Variants in HNRNPH3 observed in about 807,000 individuals in gnomAD.
HNRNPH3 encodes heterogeneous nuclear ribonucleoprotein H3.
A neutral mutation model predicts 47.0 loss-of-function variants in HNRNPH3; 7 were observed. That is an observed-to-expected ratio of 0.15 (90% CI 0.08 to 0.28). The LOEUF (loss-of-function observed/expected upper bound fraction) is 0.28. Among genes scored for constraint, HNRNPH3 ranks in the 10% least tolerant of loss-of-function variants. The probability of loss-of-function intolerance (pLI) is 1.00; values close to 1 mark genes in which losing one functional copy is unlikely to be tolerated. For missense variants in HNRNPH3, 279 were observed against 449.6 expected, an observed-to-expected ratio of 0.62 and a Z score of 3.43; for synonymous variants, 120 against 143.2, an observed-to-expected ratio of 0.84 and a Z score of 1.16.
Position 68,341,803 on chromosome 10 carries a change from A to G in HNRNPH3, c.916A>G (p.Asn306Asp). The change falls in exon 9 of 10, where the codon AAC becomes GAC. Residue 306 changes from asparagine (N) to aspartate (D), a missense_variant. This residue lies in a region of HNRNPH3 where 239 missense variants were observed against 335.8 expected (regional missense o/e 0.71). Transcript: ENST00000265866. ...ATCAGTTGGAAGAATGGGAATGGGG[A>G]ACAATTACAGTGGAGGATATGGTAC... is the stretch of plus-strand genomic sequence containing the variant. ...YGSVGRMGMG[N>D]NYSGGYGTPD... 1 of 1,610,604 alleles carries G rather than the reference A, an allele frequency of 6.2e-7. No homozygotes were observed. The highest frequency in any genetic ancestry group is 1.1e-5 in the South Asian group (1 of 90,532).
At chr10:68,334,380 C>A (rs1589697675) in intron 1 of HNRNPH3, among the ~76,000 whole-genome samples, 1 of 152,102 alleles carries the variant, frequency 6.6e-6, no homozygotes, top group East Asian at 1.9e-4. Context: ...TTCTCTATTT[C>A]ATTTGTTCTT....
chr10:68,334,433 A>G (rs561336554), intron 1 of HNRNPH3, among the ~76,000 whole-genome samples: 31 of 152,334 alleles, frequency 2.0e-4, no homozygotes, highest in African/African-American at 7.5e-4. Context: ...TATAATTCAC[A>G]TACCGTAAAC....
intron 6 of HNRNPH3, among the ~76,000 whole-genome samples, chr10:68,339,830 C>G (rs1234632624): frequency 6.6e-6 from 1 of 151,862 alleles, no homozygotes; most frequent in African/African-American, 2.4e-5. Context: ...AGGTGCCCGC[C>G]ACCACGCCTG....
At position 68,342,367 on chromosome 10, in the gene HNRNPH3, G is replaced by A. The variant is rs944260098; in HGVS notation, c.*313G>A. 2 of 226,768 alleles carry A rather than the reference G, an allele frequency of 8.8e-6. No homozygotes were observed. Among genetic ancestry groups the A allele is most frequent in the Non-Finnish European group, 1.7e-5 (2 of 114,930 alleles). The allele number at this position is 226,768 out of a possible 1,614,324, so 14.0% of individuals were successfully genotyped here. A position where few individuals can be genotyped will look rare whatever the true frequency, so the allele number is the denominator to read the frequency against. On this transcript the variant is annotated 3_prime_UTR_variant, in exon 10 of 10. Coordinates refer to ENST00000265866, the MANE Select transcript of HNRNPH3 (RefSeq NM_012207.3). ...ATGTATTTTACTATTAGTTCTACAA[G>A]AAGTAGTGTGGTGTAATTTTAGAGG...
Position 68,338,551 on chromosome 10 carries a change from T to C in HNRNPH3, c.300T>C (p.Tyr100=). Residue 100 remains tyrosine (Y), a synonymous_variant, in exon 4 of 10, where the codon TAT becomes TAC. Transcript: ENST00000265866. ...GCAGGAGTGAAATCAAAGGATTTTATGATCCACCAAGAAGATTGCTGGGAC... is the reference window on the plus strand; with the variant it reads ...GCAGGAGTGAAATCAAAGGATTTTACGATCCACCAAGAAGATTGCTGGGAC... ...RSSRSEIKGF[Y]DPPRRLLGQR... is the part of the protein sequence containing the mutation. 1 of 1,613,198 alleles carries C rather than the reference T, an allele frequency of 6.2e-7. No homozygotes were observed. The highest frequency in any genetic ancestry group is 8.5e-7 in the Non-Finnish European group (1 of 1,179,252).
Position 68,338,290 on chromosome 10 carries a change from T to C in HNRNPH3, c.252-213T>C, listed in dbSNP as rs1384892200. The C allele has an allele frequency of 2.0e-5, 9 of 458,878 alleles. No individual in the cohort carries two copies. In the South Asian group the frequency reaches 3.5e-4, roughly 18 times the overall value. The allele number at this position is 458,878 out of a possible 1,614,324, so 28.4% of individuals were successfully genotyped here. A position where few individuals can be genotyped will look rare whatever the true frequency, so the allele number is the denominator to read the frequency against. On this transcript the variant is annotated intron_variant, in intron 3 of 9. Coordinates refer to ENST00000265866, the MANE Select transcript of HNRNPH3 (RefSeq NM_012207.3). ...TACTAAAAGAGACAAAGTAAAAATA[T>C]ACTTTATGAATTGTTTTCCGTGACT... is the stretch of plus-strand genomic sequence containing the variant.
At chr10:68,340,516 G>A (rs951025793) in intron 6 of HNRNPH3, among the ~76,000 whole-genome samples, 25 of 152,100 alleles carry the variant, frequency 1.6e-4, no homozygotes, top group South Asian at 8.3e-4. Context: ...GGCTAAATCC[G>A]GTCACACCAT....
intron 1 of HNRNPH3, among the ~76,000 whole-genome samples, chr10:68,332,574 C>T (rs1314501621): frequency 1.3e-5 from 2 of 152,202 alleles, no homozygotes; most frequent in Non-Finnish European, 2.9e-5. Flanking sequence ...TGTTCCCCAG[C>T]TTCCGAAAAC....
At position 68,341,838 on chromosome 10, in the gene HNRNPH3, T is replaced by C. The variant is rs761323979; in HGVS notation, c.951T>C (p.Gly317=). Residue 317 remains glycine (G), a synonymous_variant, in exon 9 of 10, where the codon GGT becomes GGC. Coordinates refer to ENST00000265866, the MANE Select transcript of HNRNPH3 (RefSeq NM_012207.3). The part of the protein sequence containing the change: ...NYSGGYGTPD[G]LGGYGRGGGG... ...GTGGAGGATATGGTACTCCTGATGG[T>C]TTGGGTGGTTATGGTAAGTATCTCT... 1 of 1,610,364 alleles carries C rather than the reference T, an allele frequency of 6.2e-7. No homozygotes were observed. Among genetic ancestry groups the C allele is most frequent in the Non-Finnish European group, 8.5e-7 (1 of 1,177,602 alleles).
intron 1 of HNRNPH3, among the ~76,000 whole-genome samples, chr10:68,333,292 G>A (rs2045319821): frequency 1.3e-5 from 2 of 149,164 alleles, no homozygotes; most frequent in African/African-American, 2.5e-5. Flanking sequence ...GGGTGGGGGT[G>A]GGTGATGTAG....
chr10:68,340,536 TGTTGAGTG>T (rs1441731168), intron 6 of HNRNPH3, among the ~76,000 whole-genome samples: 3 of 152,176 alleles, frequency 2.0e-5, no homozygotes, highest in African/African-American at 7.2e-5. Context: ...TTCCTCTACC[TGTTGAGTG>T]GTTACATTAG....
In HNRNPH3 at chr10:68,342,081, T is replaced by A. The variant is rs762371921; in HGVS notation, c.*27T>A. ...AGCAAAAACACCAACATACAAGTCT[T>A]GACAACAGCATCTGGTCTACTAGAC... On this transcript the variant is annotated 3_prime_UTR_variant, in exon 10 of 10. Transcript: ENST00000265866. 1.9e-6 allele frequency: 3 copies of A among 1,551,216 alleles called. No homozygotes were observed. The highest frequency in any genetic ancestry group is 4.5e-5 in the East Asian group (2 of 44,412).
At chr10:68,340,947 G>A (rs557414396) in intron 6 of HNRNPH3, among the ~76,000 whole-genome samples, 2 of 152,212 alleles carry the variant, frequency 1.3e-5, no homozygotes, top group African/African-American at 4.8e-5. Flanking sequence ...GATTACAGGC[G>A]TGAGCCACTG....
rs764602302 is a variant in HNRNPH3 at position 68,341,380 on chromosome 10, T to C, written c.775+71T>C. 341 of 1,479,766 alleles carry C rather than the reference T, an allele frequency of 2.3e-4. 1 individual carries two copies. The highest frequency in any genetic ancestry group is 3.0e-4 in the Non-Finnish European group (327 of 1,081,440). The allele number at this position is 1,479,766 out of a possible 1,614,324, so 91.7% of individuals were successfully genotyped here. A position where few individuals can be genotyped will look rare whatever the true frequency, so the allele number is the denominator to read the frequency against. ...TTATAAAATAAGAGGCTCTAAGATC[T>C]GTAGGTAACGCTTGGCAGTTGTTGG... On this transcript the variant is annotated intron_variant, in intron 7 of 9. Transcript: ENST00000265866.
intron 6 of HNRNPH3, among the ~76,000 whole-genome samples, chr10:68,339,888 A>G (rs1207830155): frequency 2.0e-5 from 3 of 152,138 alleles, no homozygotes; most frequent in East Asian, 1.9e-4. Context: ...ATATTTTTGT[A>G]TCCATTGTGT....
chr10:68,341,659 G>A lies in HNRNPH3; in HGVS notation c.850G>A (p.Gly284Ser). ...TGGCATGGGAGGTTCTGGAATGGGA[G>A]GCTACGGAAGAGATGGAATGGGTAT... is the stretch of plus-strand genomic sequence containing the variant. The part of the protein sequence containing the change: ...GSGMGGSGMG[G>S]YGRDGMDNQG... The change falls in exon 8 of 10, where the codon GGC becomes AGC. Residue 284 changes from glycine (G) to serine (S), a missense_variant. Gly to Ser is a moderately conservative substitution (Grantham distance 56, BLOSUM62 0). Coordinates refer to ENST00000265866, the MANE Select transcript of HNRNPH3 (RefSeq NM_012207.3). The A allele has an allele frequency of 6.2e-7, 1 of 1,613,212 alleles. No individual in the cohort carries two copies. The highest frequency in any genetic ancestry group is 8.5e-7 in the Non-Finnish European group (1 of 1,179,284).
intron 1 of HNRNPH3, among the ~76,000 whole-genome samples, chr10:68,334,264 A>G (rs997008120): frequency 6.6e-6 from 1 of 152,230 alleles, no homozygotes; most frequent in Non-Finnish European, 1.5e-5. Flanking sequence ...AATAAAATTC[A>G]TTCTCATTTC....
At chr10:68,341,919 C>A in intron 9 of HNRNPH3, 59 bp from the exon 10 acceptor site, 2 of 1,596,300 alleles carry the variant, frequency 1.3e-6, no homozygotes, top group Non-Finnish European at 1.7e-6. Flanking sequence ...GCAGGTATTA[C>A]TTTTATTATT....
Position 68,339,528 on chromosome 10 carries a change from T to C in HNRNPH3, c.612T>C (p.Phe204=), listed in dbSNP as rs140867301. Residue 204 remains phenylalanine (F), a synonymous_variant, in exon 6 of 10, where the codon TTT becomes TTC. Coordinates refer to ENST00000265866, the MANE Select transcript of HNRNPH3 (RefSeq NM_012207.3). ...TCGTACATATGAGAGGGTTGCCTTT[T>C]CGTGCAACTGAAAATGACATTGCTA... ...GHFVHMRGLP[F]RATENDIANF... 8 of 1,613,246 alleles carry C rather than the reference T, an allele frequency of 5.0e-6. No individual in the cohort carries two copies. Among genetic ancestry groups the C allele is most frequent in the Non-Finnish European group, 5.9e-6 (7 of 1,179,172 alleles).
Sources: gnomAD v4.1 joint callset for allele counts (sites outside exome capture counted in the v4.1 genomes callset) on GRCh38, gnomAD v4.1.1 for gene constraint, gnomAD v4.1.1 regional missense constraint, MANE v1.5 for transcripts, NCBI Gene and HGNC (gene_info 2026-07-23, HGNC 2026-07-21) for gene names.